SLC4A11: variants seen among roughly 807,000 people sequenced by gnomAD.
SLC4A11 encodes the protein bicarbonate transporter related protein 1.
In SLC4A11, 74 loss-of-function variants were observed where a neutral mutation model predicts 95.0. The ratio of observed to expected loss-of-function variants is 0.78; its 90% CI spans 0.65 to 0.95. The LOEUF (loss-of-function observed/expected upper bound fraction) is 0.95, where lower values mean the gene tolerates loss of function less well. Among genes scored for constraint, SLC4A11 ranks in the 40% least tolerant of loss-of-function variants. The probability of loss-of-function intolerance (pLI) is 0.00; values close to 1 mark genes in which losing one functional copy is unlikely to be tolerated. For synonymous variants in SLC4A11, 548 were observed against 519.0 expected (o/e 1.06, Z -0.76); for missense variants, 1,081 against 1,192.4 (o/e 0.91, Z 1.38).
At chr20:3,230,402 A>G in intron 12 of SLC4A11, 113 bp downstream of exon 12, 1 of 1,588,072 alleles carries the variant, frequency 6.3e-7, no homozygotes, top group Admixed American at 1.7e-5. Context: ...AGCCCACCCC[A>G]GCCCCTTGGG....
In SLC4A11 at chr20:3,231,603, C is replaced by G. The variant is rs1272723338; in HGVS notation, c.730-55G>C. 3 of 1,561,650 alleles carry G rather than the reference C, an allele frequency of 1.9e-6. No homozygotes were observed. Among genetic ancestry groups the G allele is most frequent in the Non-Finnish European group, 2.6e-6 (3 of 1,133,904 alleles). On this transcript the variant is annotated intron_variant, in intron 7 of 19. Coordinates refer to ENST00000642402, the MANE Select transcript of SLC4A11 (RefSeq NM_001174089.2). The surrounding 1 kb of genome is among the most constrained non-coding windows in gnomAD (Gnocchi z 5.2). ...GAAACAGAGGAGGCCCTGCCCGGGC[C>G]GAGCAGGTGAAGGTGCTCTCCCCAT...
rs772827009 is a variant in SLC4A11 at position 3,230,859 on chromosome 20, G to A, written c.1169-14C>T. Reference sequence around the variant, plus strand: ...TCTTCTGCACGTCTGTGGGGGTGCGGAGGTCAGGTGGGCGCCGCAGCCCAG... The same window carrying A: ...TCTTCTGCACGTCTGTGGGGGTGCGAAGGTCAGGTGGGCGCCGCAGCCCAG... On this transcript the variant is annotated splice_polypyrimidine_tract_variant and intron_variant, in intron 10 of 19. Transcript: ENST00000642402. The A allele has an allele frequency of 1.1e-5, 18 of 1,613,130 alleles. No individual in the cohort carries two copies. The South Asian group carries it at 1.3e-4, about 12-fold the overall frequency.
In SLC4A11 at chr20:3,234,088, C is replaced by T; in HGVS notation, c.518G>A (p.Gly173Asp). The change falls in exon 5 of 20, where the codon GGT becomes GAT. Residue 173 changes from glycine (G) to aspartate (D), a missense_variant. By Grantham distance (94) the Gly-to-Asp change is moderately conservative. Coordinates refer to ENST00000642402, the MANE Select transcript of SLC4A11 (RefSeq NM_001174089.2). This position sits in a 1 kb window ranked among gnomAD's most constrained non-coding sequence, Gnocchi z 5.8. ...GGCCGGGAGACCGGCCTCACCTTTA[C>T]CCCGCATGGGTGCCCCGGCATCGGT... is the stretch of plus-strand genomic sequence containing the variant. ...LFTDAGAPMR[G>D]KVHLLSDTIQ... The T allele has an allele frequency of 1.9e-6, 3 of 1,613,956 alleles. No homozygotes were observed. Among genetic ancestry groups the T allele is most frequent in the Non-Finnish European group, 2.5e-6 (3 of 1,180,022 alleles).
At chr20:3,239,306 C>A (rs933610791), upstream of SLC4A11, 4 of 1,162,032 alleles carry the variant, frequency 3.4e-6, no homozygotes, top group Non-Finnish European at 3.2e-6. Context: ...GTAGGCAGAG[C>A]TGCCGAGGGC....
intron 7 of SLC4A11, among the ~76,000 whole-genome samples, chr20:3,232,563 T>C (rs1350964880): frequency 6.6e-6 from 1 of 152,150 alleles, no homozygotes; most frequent in Non-Finnish European, 1.5e-5. Context: ...ATTAGCTGGC[T>C]GTAGTTTTTG....
At chr20:3,236,351 C>T (rs767765118) in intron 2 of SLC4A11, among the ~76,000 whole-genome samples, 3 of 152,172 alleles carry the variant, frequency 2.0e-5, no homozygotes, top group African/African-American at 7.2e-5. Flanking sequence ...CCAAGGCAGG[C>T]GGATCACGAG....
At chr20:3,239,405 C>G, upstream of SLC4A11, 1 of 1,090,986 alleles carries the variant, frequency 9.2e-7, no homozygotes, top group African/African-American at 1.7e-5. Context: ...AGCTGCTGGG[C>G]CAAACCGAGT....
intron 14 of SLC4A11, 25 bp downstream of exon 14, chr20:3,229,499 C>T (rs1417478545): frequency 1.2e-6 from 2 of 1,612,610 alleles, no homozygotes; most frequent in African/African-American, 2.7e-5. Context: ...CATGCGGCCC[C>T]TCCCCTCCCC....
Position 3,231,353 on chromosome 20 carries a change from G to A in SLC4A11, c.925C>T (p.Leu309Phe), listed in dbSNP as rs766823176. 3.1e-6 allele frequency: 5 copies of A among 1,613,914 alleles called. No individual in the cohort carries two copies. Among genetic ancestry groups the A allele is most frequent in the African/African-American group, 1.3e-5 (1 of 74,922 alleles). ...ACCTCTGGGTGTCTGTGGGCAGGGA[G>A]GGAGACTGTGCTGCGTTCCTTCGTT... is the stretch of plus-strand genomic sequence containing the variant. ...PRTKERSTVS[L>F]PAHRHPEPPK... Residue 309 changes from leucine (L) to phenylalanine (F), a missense_variant, in exon 8 of 20, where the codon CTC becomes TTC. By Grantham distance (22) the Leu-to-Phe change is conservative. Around this residue, in one of 3 missense-constraint regions of SLC4A11, gnomAD observed 767 missense variants for 858.0 expected, o/e 0.89. Transcript: ENST00000642402. The surrounding 1 kb of genome is among the most constrained non-coding windows in gnomAD (Gnocchi z 5.2).
rs1028229523 is a variant in SLC4A11 at position 3,233,812 on chromosome 20, G to A, written c.605+109C>T. The A allele has an allele frequency of 2.6e-5, 40 of 1,510,220 alleles. No individual in the cohort carries two copies. In the Admixed American group the frequency reaches 4.7e-4, roughly 18 times the overall value. The allele number at this position is 1,510,220 out of a possible 1,614,324, so 93.6% of individuals were successfully genotyped here. Reference sequence around the variant, plus strand: ...CCTCTTCTCCCAAGTTGGTTGGGCCGCCAGAGCCCCAGGACTCACAGGTGG... The same window carrying A: ...CCTCTTCTCCCAAGTTGGTTGGGCCACCAGAGCCCCAGGACTCACAGGTGG... On this transcript the variant is annotated intron_variant, in intron 6 of 19. Coordinates refer to ENST00000642402, the MANE Select transcript of SLC4A11 (RefSeq NM_001174089.2).
upstream of SLC4A11, chr20:3,239,470 A>C (rs1330300847): frequency 1.4e-5 from 14 of 1,026,022 alleles, no homozygotes; most frequent in Non-Finnish European, 1.6e-5. Flanking sequence ...CAGCGTCGCG[A>C]GTTTAGGGGC....
At chr20:3,235,857 C>T (rs529632540) in intron 2 of SLC4A11, among the ~76,000 whole-genome samples, 68 of 152,226 alleles carry the variant, frequency 4.5e-4, no homozygotes, top group African/African-American at 1.5e-3. Context: ...AGGTCCTGTC[C>T]TCCAAGCTGA....
intron 7 of SLC4A11, among the ~76,000 whole-genome samples, chr20:3,232,629 C>T (rs2067818895): frequency 6.6e-6 from 1 of 152,200 alleles, no homozygotes; most frequent in South Asian, 2.1e-4. Context: ...GGGAGAATCG[C>T]TTGAACCTGG....
Position 3,229,358 on chromosome 20 carries a change from G to A in SLC4A11, c.1837C>T (p.Arg613Trp), listed in dbSNP as rs769617527. ...AFSLISSHGFREIEMSKFRYN... is the reference protein window; with the variant it reads ...AFSLISSHGFWEIEMSKFRYN... ...GGCCCCAACTCACTCTCGATTTCCC[G>A]GAAGCCATGGGAGCTGATGAGGGAG... Residue 613 changes from arginine to tryptophan, a missense_variant, in exon 15 of 20, where the codon CGG (arginine) becomes TGG (tryptophan). Coordinates refer to ENST00000642402, the MANE Select transcript of SLC4A11 (RefSeq NM_001174089.2). The A allele has an allele frequency of 3.1e-5, 50 of 1,613,222 alleles. No individual in the cohort carries two copies. Among genetic ancestry groups the A allele is most frequent in the Middle Eastern group, 1.6e-4 (1 of 6,062 alleles).
intron 2 of SLC4A11, among the ~76,000 whole-genome samples, chr20:3,236,117 C>T (rs1454316734): frequency 2.0e-5 from 3 of 152,188 alleles, no homozygotes; most frequent in Non-Finnish European, 1.5e-5. Flanking sequence ...CAGGGAGTGA[C>T]TCACCCTGAC....
chr20:3,235,309 T>TCA (rs58744452), intron 2 of SLC4A11, among the ~76,000 whole-genome samples: 3,907 of 123,494 alleles, frequency 0.032, 59 homozygotes, highest in Non-Finnish European at 0.041. Flanking sequence ...TCTCTCTCTC[T>TCA]CACACACACA....
rs2067570227 is a variant in SLC4A11 at position 3,227,496 on chromosome 20, TTCAGGCATCGAC to T, written c.*279_*290del. 1 of 473,544 alleles carries T rather than the reference TTCAGGCATCGAC, an allele frequency of 2.1e-6. No individual in the cohort carries two copies. The highest frequency in any genetic ancestry group is 2.3e-5 in the South Asian group (1 of 43,444). The allele number at this position is 473,544 out of a possible 1,614,324, so 29.3% of individuals were successfully genotyped here. ...ACACAATCAAGGAAATGGTTTCTCT[TTCAGGCATCGAC>T]TCTTTTATCAAAAGAAAATCCATCC... On this transcript the variant is annotated 3_prime_UTR_variant, in exon 20 of 20. Transcript: ENST00000642402.
At chr20:3,238,959 TC>T in intron 1 of SLC4A11, 135 bp downstream of exon 1, 1 of 1,260,420 alleles carries the variant, frequency 7.9e-7, no homozygotes, top group Non-Finnish European at 1.0e-6. Flanking sequence ...CGGCTGGGAA[TC>T]CCGCAGCCCT....
chr20:3,229,054 G>A, intron 16 of SLC4A11, 41 bp downstream of exon 16: 1 of 1,567,382 alleles, frequency 6.4e-7, no homozygotes, highest in East Asian at 2.4e-5. Context: ...CACAGCAGAG[G>A]CCCGGGCCCC....
Sources: gnomAD v4.1 joint callset for allele counts (sites outside exome capture counted in the v4.1 genomes callset) on GRCh38, gnomAD v4.1.1 for gene constraint, gnomAD v4.1.1 regional missense constraint, Gnocchi (gnomAD v3.1) non-coding constraint, MANE v1.5 for transcripts, NCBI Gene and HGNC (gene_info 2026-07-23, HGNC 2026-07-21) for gene names.